SUMF1: variants seen among roughly 807,000 people sequenced by gnomAD.
The protein encoded by SUMF1 is sulfatase modifying factor 1.
In SUMF1, 48 loss-of-function variants were observed where a neutral mutation model predicts 47.6. The observed-to-expected ratio is 1.01, with a 90% CI of 0.80 to 1.28. The LOEUF is 1.28. Ranked by LOEUF, SUMF1 falls within the 50% of genes most tolerant of loss-of-function variation. SUMF1 has a pLI of 0.00. For synonymous variants in SUMF1, 230 were observed against 192.1 expected (o/e 1.20, Z -1.63); for missense variants, 571 against 485.4 (o/e 1.18, Z -1.66).
At chr3:4,311,083 G>T (rs755683765) in intron 8 of SUMF1, among the ~76,000 whole-genome samples, 28 of 152,124 alleles carry the variant, frequency 1.8e-4, no homozygotes, top group Admixed American at 4.6e-4. Context: ...ACAAACAAAA[G>T]CTATTTCCTC....
At chr3:4,199,394 A>G (rs888114932) in intron 8 of SUMF1, among the ~76,000 whole-genome samples, 2 of 152,112 alleles carry the variant, frequency 1.3e-5, no homozygotes, top group Non-Finnish European at 2.9e-5. Flanking sequence ...AAGGATATTT[A>G]CGTTGTCCAA....
intron 8 of SUMF1, among the ~76,000 whole-genome samples, chr3:4,239,756 C>CTT: frequency 6.6e-6 from 1 of 152,234 alleles, no homozygotes; most frequent in South Asian, 2.1e-4. Flanking sequence ...ATTGAATACC[C>CTT]TTTATTTCTT....
At chr3:4,109,357 A>AT (rs1693237773) in intron 8 of SUMF1, among the ~76,000 whole-genome samples, 1 of 151,752 alleles carries the variant, frequency 6.6e-6, no homozygotes, top group Admixed American at 6.6e-5. Context: ...TGCCCTGAAC[A>AT]TTTTTTCCTT....
At chr3:4,273,885 C>T (rs960760586) in intron 8 of SUMF1, among the ~76,000 whole-genome samples, 11 of 134,374 alleles carry the variant, frequency 8.2e-5, no homozygotes, top group African/African-American at 3.2e-4. Context: ...TGGTGGCCGA[C>T]TCTGATCAGT....
At chr3:4,446,941 C>T (rs1385779682) in intron 3 of SUMF1, among the ~76,000 whole-genome samples, 1 of 152,056 alleles carries the variant, frequency 6.6e-6, no homozygotes, top group Non-Finnish European at 1.5e-5. Context: ...GCATGTACAC[C>T]TGGGTAATAA....
At chr3:4,188,596 G>C (rs1254214517) in intron 8 of SUMF1, among the ~76,000 whole-genome samples, 2 of 152,044 alleles carry the variant, frequency 1.3e-5, no homozygotes, top group Admixed American at 6.5e-5. Context: ...ACATGGCCTG[G>C]GACTATATAA....
intron 9 of SUMF1, among the ~76,000 whole-genome samples, chr3:4,043,593 C>G (rs1008183727): frequency 6.6e-6 from 1 of 152,022 alleles, no homozygotes; most frequent in Admixed American, 6.6e-5. Flanking sequence ...TTTACCAGTT[C>G]TCTATTAATT....
Position 4,451,932 on chromosome 3 carries a change from C to T in SUMF1, c.444+944G>A, listed in dbSNP as rs564327173. Among the ~76,000 whole-genome samples the T allele has an allele frequency of 5.9e-5, 9 of 152,270 alleles. No homozygotes were observed. In the South Asian group the frequency reaches 1.9e-3, roughly 32 times the overall value. On this transcript the variant is annotated intron_variant, in intron 2 of 8. Coordinates refer to ENST00000272902, the MANE Select transcript of SUMF1 (RefSeq NM_182760.4). ...TCGCCTGACCTCGTGATCCACCCAC[C>T]TCAGCCTCCCAACGTGCTGAGATTA...
chr3:4,088,103 A>T (rs780470747), intron 8 of SUMF1, among the ~76,000 whole-genome samples: 2 of 152,106 alleles, frequency 1.3e-5, no homozygotes, highest in Admixed American at 1.3e-4. Flanking sequence ...TTTGACTCCT[A>T]CTGAGAAGAT....
chr3:4,071,867 G>C (rs1030111255), intron 8 of SUMF1, among the ~76,000 whole-genome samples: 1 of 152,196 alleles, frequency 6.6e-6, no homozygotes, highest in Non-Finnish European at 1.5e-5. Flanking sequence ...TGTGGGCACA[G>C]CTTCTGCAGA....
intron 8 of SUMF1, among the ~76,000 whole-genome samples, chr3:4,091,750 A>G (rs550221245): frequency 4.6e-5 from 7 of 152,240 alleles, no homozygotes; most frequent in East Asian, 3.9e-4. Flanking sequence ...TTTACTGGTA[A>G]TAATGGTTAT....
At chr3:4,367,123 C>T (rs1699994563) in intron 8 of SUMF1, among the ~76,000 whole-genome samples, 1 of 151,802 alleles carries the variant, frequency 6.6e-6, no homozygotes, top group African/African-American at 2.4e-5. Context: ...GTCAGTCTGC[C>T]CCTACTGGGG....
chr3:4,138,598 C>T (rs1054979867), intron 8 of SUMF1, among the ~76,000 whole-genome samples: 2 of 152,014 alleles, frequency 1.3e-5, no homozygotes, highest in Admixed American at 6.6e-5. Context: ...TTGGCAATAC[C>T]CTTTGAGCTT....
intron 8 of SUMF1, chr3:4,316,381 A>G (rs1698646023): frequency 6.4e-7 from 1 of 1,556,364 alleles, no homozygotes; most frequent in East Asian, 2.4e-5. Flanking sequence ...TGCAAAGGAG[A>G]TGAGAGCCTT....
At chr3:4,250,919 T>C (rs1033259164) in intron 8 of SUMF1, among the ~76,000 whole-genome samples, 1 of 152,192 alleles carries the variant, frequency 6.6e-6, no homozygotes, top group African/African-American at 2.4e-5. Context: ...AACAAGGAGA[T>C]GAATGTTGTT....
intron 8 of SUMF1, among the ~76,000 whole-genome samples, chr3:4,129,463 A>G (rs1041569701): frequency 1.3e-5 from 2 of 152,158 alleles, no homozygotes; most frequent in East Asian, 1.9e-4. Context: ...TCAAATGGAA[A>G]AAAAGACTAA....
At chr3:4,192,225 T>A (rs1574965866) in intron 8 of SUMF1, among the ~76,000 whole-genome samples, 4 of 152,064 alleles carry the variant, frequency 2.6e-5, no homozygotes, top group Non-Finnish European at 5.9e-5. Flanking sequence ...TAGGAGGAGC[T>A]TGAGGCTATG....
At chr3:4,261,046 C>T (rs916420714) in intron 8 of SUMF1, among the ~76,000 whole-genome samples, 2 of 152,094 alleles carry the variant, frequency 1.3e-5, no homozygotes, top group Non-Finnish European at 2.9e-5. Context: ...AGTTGTTACA[C>T]CAACAATAAC....
At chr3:4,288,805 A>AT (rs1697685995) in intron 8 of SUMF1, among the ~76,000 whole-genome samples, 1 of 29,484 alleles carries the variant, frequency 3.4e-5, no homozygotes, top group Middle Eastern at 0.018. Flanking sequence ...CTCTGTCTAG[A>AT]AAAAAAAAAA....
Sources: allele counts gnomAD v4.1 joint callset (sites outside exome capture counted in the v4.1 genomes callset), GRCh38; gene constraint gnomAD v4.1.1; transcripts MANE v1.5; gene names NCBI Gene and HGNC (gene_info 2026-07-23, HGNC 2026-07-21).